Variants in KCTD1 observed in about 807,000 individuals in gnomAD.
KCTD1 encodes the protein BTB/POZ domain-containing protein KCTD1.
A neutral mutation model predicts 66.0 loss-of-function variants in KCTD1; 24 were observed. That is an observed-to-expected ratio of 0.36 (90% confidence interval 0.26 to 0.51). The LOEUF is 0.51. Ranked by LOEUF, KCTD1 falls within the 20% of genes least tolerant of loss-of-function variation. The pLI is 0.95. For missense variants in KCTD1, 943 were observed against 1,205.2 expected (o/e 0.78, Z 3.22); for synonymous variants, 511 against 517.2 (o/e 0.99, Z 0.16).
At chr18:26,498,417 T>G (rs1053196198) in intron 2 of KCTD1, among the ~76,000 whole-genome samples, 1 of 150,730 alleles carries the variant, frequency 6.6e-6, no homozygotes. Flanking sequence ...TGTTTCATAG[T>G]TCAGCGCTGT....
At chr18:26,563,875 C>T (rs549663526) in intron 1 of KCTD1, among the ~76,000 whole-genome samples, 1 of 152,146 alleles carries the variant, frequency 6.6e-6, no homozygotes, top group East Asian at 1.9e-4. Context: ...GTGAGTCTTC[C>T]AGTCTTAGCT....
chr18:26,548,950 G>A (rs1431035941), upstream of KCTD1: 11 of 986,444 alleles, frequency 1.1e-5, no homozygotes, highest in Admixed American at 5.5e-4. Context: ...CGAGAGGGCG[G>A]GACGGTCTCG....
chr18:26,578,560 C>A, intron 1 of KCTD1, among the ~76,000 whole-genome samples: 1 of 151,898 alleles, frequency 6.6e-6, no homozygotes, highest in East Asian at 1.9e-4. Context: ...GGTGTTCCAT[C>A]AGTTTTGCTG....
At chr18:26,649,044 T>C (rs1400791399) in intron 1 of KCTD1, among the ~76,000 whole-genome samples, 1 of 152,204 alleles carries the variant, frequency 6.6e-6, no homozygotes, top group African/African-American at 2.4e-5. Context: ...AAACCAAAGC[T>C]TTGGGGTCAC....
At chr18:26,657,333 T>C (rs1313844752) in intron 1 of KCTD1, 2 of 985,164 alleles carry the variant, frequency 2.0e-6, no homozygotes, top group Non-Finnish European at 1.2e-6. Context: ...TAGCAAATAA[T>C]AACAAACCCA....
At position 26,455,324 on chromosome 18, in the gene KCTD1, A is replaced by AAAAG. The variant is rs886844190; in HGVS notation, c.*415_*418dup. 1 of 152,876 alleles carries AAAAG rather than the reference A, an allele frequency of 6.5e-6. No homozygotes were observed. Among genetic ancestry groups the AAAAG allele is most frequent in the Non-Finnish European group, 1.5e-5 (1 of 68,284 alleles). 9.5% of individuals were successfully genotyped at this position (152,876 alleles called of 1,614,324 possible). ...GTTTTGTTTTTTTAAAAAAAAAGGA[A>AAAAG]AAAGAAAGACAAAGGAAAAAAGAAA... is the stretch of plus-strand genomic sequence containing the variant. On this transcript the variant is annotated 3_prime_UTR_variant, in exon 5 of 5. Coordinates refer to ENST00000580059, the MANE Select transcript of KCTD1 (RefSeq NM_001142730.3).
intron 3 of KCTD1, among the ~76,000 whole-genome samples, chr18:26,462,214 C>G (rs529026279): frequency 6.6e-6 from 1 of 152,216 alleles, no homozygotes; most frequent in Admixed American, 6.5e-5. Flanking sequence ...TTGGAAAAGT[C>G]GAGAAACACT....
chr18:26,526,990 G>A (rs777939844), intron 1 of KCTD1, among the ~76,000 whole-genome samples: 12 of 151,726 alleles, frequency 7.9e-5, no homozygotes, highest in Non-Finnish European at 1.6e-4. Flanking sequence ...GTGGAGCTGT[G>A]AGCACTAATG....
At chr18:26,567,445 GGAAATGCTGTTGTTCTA>G (rs1432158274) in intron 1 of KCTD1, among the ~76,000 whole-genome samples, 3 of 151,610 alleles carry the variant, frequency 2.0e-5, no homozygotes, top group Non-Finnish European at 2.9e-5. Flanking sequence ...TTGTTCTAGA[GGAAATGCTGTTGTTCTA>G]GAAATGCTGT....
intron 1 of KCTD1, among the ~76,000 whole-genome samples, chr18:26,573,027 CCT>C (rs1491242894): frequency 1.3e-5 from 2 of 151,806 alleles, no homozygotes; most frequent in Non-Finnish European, 2.9e-5. Context: ...ACCACCCCCC[CCT>C]TTTTTTTTTT....
intron 1 of KCTD1, among the ~76,000 whole-genome samples, chr18:26,620,055 CT>C (rs1428855406): frequency 6.6e-6 from 1 of 152,178 alleles, no homozygotes; most frequent in Non-Finnish European, 1.5e-5. Context: ...GCTTGGGTCT[CT>C]CCTCACAGGT....
intron 2 of KCTD1, among the ~76,000 whole-genome samples, chr18:26,484,473 A>G (rs1981811723): frequency 6.6e-6 from 1 of 152,170 alleles, no homozygotes; most frequent in African/African-American, 2.4e-5. Flanking sequence ...CGTTTTGTAG[A>G]ATCCATCACT....
chr18:26,496,030 A>G lies in KCTD1; in HGVS notation c.1988+5042T>C, dbSNP rs1037602612. ...TTTCATTATGCATGTGGCTAAGAGG[A>G]TATTTCAGTGTCAACAGTAGATCTT... On this transcript the variant is annotated intron_variant, in intron 2 of 4. Transcript: ENST00000580059. Among the ~76,000 whole-genome samples, 3 of 152,300 alleles carry G rather than the reference A, an allele frequency of 2.0e-5. No individual in the cohort carries two copies. The South Asian group carries it at 6.2e-4, about 32-fold the overall frequency.
chr18:26,514,581 G>C (rs1399370976), intron 1 of KCTD1, among the ~76,000 whole-genome samples: 2 of 150,998 alleles, frequency 1.3e-5, no homozygotes, highest in Admixed American at 1.3e-4. Flanking sequence ...AGAAATGGCA[G>C]AGAGATGTTG....
intron 3 of KCTD1, among the ~76,000 whole-genome samples, chr18:26,461,034 G>A (rs989463805): frequency 6.6e-6 from 1 of 152,258 alleles, no homozygotes; most frequent in Admixed American, 6.5e-5. Context: ...GGGATGCCCA[G>A]TGCCTGCATG....
intron 1 of KCTD1, among the ~76,000 whole-genome samples, chr18:26,519,246 T>A (rs1478481666): frequency 6.6e-6 from 1 of 152,132 alleles, no homozygotes; most frequent in Admixed American, 6.5e-5. Context: ...GCTTAAAGAA[T>A]CCTCATGTAA....
At chr18:26,481,007 TATTC>T (rs1409844527) in intron 2 of KCTD1, among the ~76,000 whole-genome samples, 1 of 152,224 alleles carries the variant, frequency 6.6e-6, no homozygotes, top group Non-Finnish European at 1.5e-5. Context: ...TTTTCTTGTG[TATTC>T]ATTCATTTTA....
At chr18:26,591,946 G>T (rs1436813563) in intron 1 of KCTD1, among the ~76,000 whole-genome samples, 1 of 152,180 alleles carries the variant, frequency 6.6e-6, no homozygotes, top group Non-Finnish European at 1.5e-5. Flanking sequence ...GACCTAGCCA[G>T]AATCTATTGA....
intron 1 of KCTD1, among the ~76,000 whole-genome samples, chr18:26,527,749 G>C (rs1490359470): frequency 6.6e-6 from 1 of 152,098 alleles, no homozygotes; most frequent in African/African-American, 2.4e-5. Context: ...GTGCCTTTTT[G>C]GGGGCAGGAG....
Sources: allele counts gnomAD v4.1 joint callset (sites outside exome capture counted in the v4.1 genomes callset), GRCh38; gene constraint gnomAD v4.1.1; transcripts MANE v1.5; gene names NCBI Gene and HGNC (gene_info 2026-07-23, HGNC 2026-07-21).